Variants in LRBA observed in about 807,000 individuals in gnomAD.
The protein encoded by LRBA is lipopolysaccharide-responsive and beige-like anchor protein.
A neutral mutation model predicts 330.0 loss-of-function variants in LRBA; 176 were observed. That is an observed-to-expected ratio of 0.53 (90% CI 0.47 to 0.60). The LOEUF (loss-of-function observed/expected upper bound fraction) is 0.60. LRBA is among the 20% of genes least tolerant of loss of function. The pLI, the probability that LRBA is intolerant of heterozygous loss-of-function variation, is 0.00. For missense variants in LRBA, 3,259 were observed against 3,444.8 expected (o/e 0.95, Z 1.35); for synonymous variants, 1,230 against 1,193.0 (o/e 1.03, Z -0.64).
chr4:150,852,732 G>C lies in LRBA; in HGVS notation c.2978C>G (p.Ser993Ter), dbSNP rs1329983907. Reference protein sequence around the residue: ...PHFTTNGNENSSIEKTSSLES... With the variant: ...PHFTTNGNEN ...TAGTGAACTTGTCTTCTCTATACTT[G>C]AATTTTCATTACCATTTGTGGTGAA... The change falls in exon 23 of 57, where the codon TCA (serine) becomes TGA (stop). Residue 993 changes from serine (S) to a stop codon, truncating the protein, a stop_gained. Coordinates refer to ENST00000651943, the MANE Select transcript of LRBA (RefSeq NM_001364905.1). LOFTEE classifies it high-confidence loss of function. 1 of 1,613,786 alleles carries C rather than the reference G, an allele frequency of 6.2e-7. No homozygotes were observed. Among genetic ancestry groups the C allele is most frequent in the Non-Finnish European group, 8.5e-7 (1 of 1,179,806 alleles).
chr4:150,909,571 G>A (rs768536417), intron 9 of LRBA, among the ~76,000 whole-genome samples: 12 of 152,026 alleles, frequency 7.9e-5, no homozygotes, highest in Non-Finnish European at 1.8e-4. Context: ...CTGGGTTATC[G>A]AGAATATTAC....
chr4:150,647,747 A>T (rs1294831363), intron 37 of LRBA, among the ~76,000 whole-genome samples: 1 of 151,940 alleles, frequency 6.6e-6, no homozygotes, highest in Non-Finnish European at 1.5e-5. Flanking sequence ...TGTGATGCTG[A>T]ATTGTTTTCC....
At position 150,828,611 on chromosome 4, in the gene LRBA, T is replaced by C; in HGVS notation, c.4740A>G (p.Pro1580=). The change falls in exon 30 of 57, where the codon CCA becomes CCG. Residue 1580 remains proline, a synonymous_variant. Coordinates refer to ENST00000651943, the MANE Select transcript of LRBA (RefSeq NM_001364905.1). The part of the protein sequence containing the change: ...NENVSLSEIT[P]AAFSTLTTAS... ...CCGTAGTTAAAGTGCTGAATGCTGC[T>C]GGTGTGATTTCTATATCATACCCAG... The C allele has an allele frequency of 6.2e-7, 1 of 1,612,960 alleles. No individual in the cohort carries two copies. The highest frequency in any genetic ancestry group is 8.5e-7 in the Non-Finnish European group (1 of 1,179,462).
chr4:150,642,100 A>G (rs1224440154), intron 37 of LRBA, among the ~76,000 whole-genome samples: 5 of 152,046 alleles, frequency 3.3e-5, no homozygotes, highest in Non-Finnish European at 7.4e-5. Context: ...ATTGCTTTGG[A>G]CATTTTGATT....
intron 37 of LRBA, among the ~76,000 whole-genome samples, 168 bp from the exon 38 acceptor site, chr4:150,599,299 T>C (rs112830724): frequency 1.3e-5 from 2 of 152,340 alleles, no homozygotes; most frequent in African/African-American, 2.4e-5. Context: ...AACTTAGGTA[T>C]GTCCTTGAAA....
At chr4:150,373,953 T>C (rs573943007) in intron 47 of LRBA, among the ~76,000 whole-genome samples, 1 of 152,320 alleles carries the variant, frequency 6.6e-6, no homozygotes, top group Admixed American at 6.5e-5. Context: ...CTGAGACTAT[T>C]ATCTGCTCCA....
intron 36 of LRBA, 147 bp downstream of exon 36, chr4:150,735,111 C>A: frequency 1.6e-6 from 1 of 633,532 alleles, no homozygotes; most frequent in Non-Finnish European, 2.8e-6. Flanking sequence ...TCTCCCAGAA[C>A]CCCCATGACT....
chr4:150,713,708 G>GTT (rs1786458772), intron 36 of LRBA, among the ~76,000 whole-genome samples: 1 of 152,118 alleles, frequency 6.6e-6, no homozygotes, highest in Non-Finnish European at 1.5e-5. Flanking sequence ...CTGAGATACC[G>GTT]TAAGTGATGA....
intron 44 of LRBA, among the ~76,000 whole-genome samples, chr4:150,459,728 T>C (rs751823711): frequency 6.6e-5 from 10 of 151,928 alleles, no homozygotes; most frequent in Admixed American, 1.3e-4. Context: ...GGCCAGACAA[T>C]GTAATTTATA....
chr4:150,435,084 C>G (rs1208755096), intron 46 of LRBA, among the ~76,000 whole-genome samples: 1 of 152,016 alleles, frequency 6.6e-6, no homozygotes, highest in Non-Finnish European at 1.5e-5. Flanking sequence ...GTGGCTCACA[C>G]CTGTAATATC....
intron 40 of LRBA, among the ~76,000 whole-genome samples, chr4:150,508,061 C>G (rs1373202150): frequency 1.7e-5 from 2 of 119,404 alleles, no homozygotes; most frequent in Admixed American, 2.3e-4. Flanking sequence ...GGGAACATCA[C>G]AAACCGGGGA....
At chr4:150,645,110 AG>A (rs1779003874) in intron 37 of LRBA, among the ~76,000 whole-genome samples, 1 of 150,770 alleles carries the variant, frequency 6.6e-6, no homozygotes, top group African/African-American at 2.4e-5. Flanking sequence ...TTCAAAAAAA[AG>A]TTTTTTTTTC....
intron 36 of LRBA, among the ~76,000 whole-genome samples, chr4:150,700,058 A>ATT (rs1784970625): frequency 6.6e-6 from 1 of 152,216 alleles, no homozygotes; most frequent in Non-Finnish European, 1.5e-5. Flanking sequence ...TTCAACCAGT[A>ATT]ATATAATACA....
At chr4:150,302,545 T>C (rs567248531) in intron 53 of LRBA, 80 bp downstream of exon 53, 12 of 920,904 alleles carry the variant, frequency 1.3e-5, no homozygotes, top group South Asian at 2.7e-5. Flanking sequence ...ACTTTTACCA[T>C]AACAAAAAGG....
chr4:150,467,631 T>A, intron 44 of LRBA, 42 bp downstream of exon 44: 1 of 1,205,136 alleles, frequency 8.3e-7, no homozygotes, highest in Non-Finnish European at 1.2e-6. Flanking sequence ...TTTATTTTTA[T>A]ATGCAAGACA....
chr4:150,923,078 T>G (rs536179331), intron 4 of LRBA, among the ~76,000 whole-genome samples: 1 of 152,186 alleles, frequency 6.6e-6, no homozygotes, highest in African/African-American at 2.4e-5. Flanking sequence ...GAAAGTATGT[T>G]TTTGATCCAA....
intron 46 of LRBA, among the ~76,000 whole-genome samples, chr4:150,417,744 AT>A (rs1376548738): frequency 3.9e-5 from 6 of 152,208 alleles, no homozygotes; most frequent in Non-Finnish European, 7.3e-5. Flanking sequence ...TTAGAGATGC[AT>A]AATAAAATAT....
intron 56 of LRBA, 49 bp from the exon 57 acceptor site, chr4:150,265,861 A>AGAT: frequency 8.4e-7 from 1 of 1,193,340 alleles, no homozygotes; most frequent in Non-Finnish European, 1.3e-6. Flanking sequence ...TGTGTCCTAG[A>AGAT]GATGTTACTA....
chr4:150,508,124 C>T (rs1402114868), intron 40 of LRBA, among the ~76,000 whole-genome samples: 9 of 147,088 alleles, frequency 6.1e-5, no homozygotes, highest in Non-Finnish European at 1.2e-4. Context: ...ATACCTAATG[C>T]TAAATGACGA....
Sources: allele counts gnomAD v4.1 joint callset (sites outside exome capture counted in the v4.1 genomes callset), GRCh38; gene constraint gnomAD v4.1.1; transcripts MANE v1.5; gene names NCBI Gene and HGNC (gene_info 2026-07-23, HGNC 2026-07-21).